PTPRN2: variants seen among roughly 807,000 people sequenced by gnomAD.
PTPRN2 encodes the protein protein tyrosine phosphatase receptor type N2.
In PTPRN2, 74 loss-of-function variants were observed where a neutral mutation model predicts 118.8. The ratio of observed to expected loss-of-function variants is 0.62; its 90% CI spans 0.52 to 0.76. PTPRN2 has a LOEUF of 0.76. PTPRN2 is among the 30% of genes least tolerant of loss of function. The pLI, the probability that PTPRN2 is intolerant of heterozygous loss-of-function variation, is 0.00. For missense variants in PTPRN2, 1,481 were observed against 1,394.4 expected, an observed-to-expected ratio of 1.06 and a Z score of -0.99; for synonymous variants, 641 against 608.0, an observed-to-expected ratio of 1.05 and a Z score of -0.80.
rs556926526 is a variant in PTPRN2, at chr7:158,090,251, C to T, written c.1644-8874G>A. Among the ~76,000 whole-genome samples the T allele has an allele frequency of 1.1e-4, 17 of 152,036 alleles. No homozygotes were observed. The South Asian group carries it at 1.7e-3, about 15-fold the overall frequency. Reference sequence around the variant, plus strand: ...CTAGAGCCCTCAGAGGTGTGATACTCGAACAATGTGTTCACATGGGTCCTA... The same window carrying T: ...CTAGAGCCCTCAGAGGTGTGATACTTGAACAATGTGTTCACATGGGTCCTA... On this transcript the variant is annotated intron_variant, in intron 10 of 22. Transcript: ENST00000389418.
At chr7:158,581,092 G>A (rs569485292) in intron 1 of PTPRN2, among the ~76,000 whole-genome samples, 6 of 152,230 alleles carry the variant, frequency 3.9e-5, no homozygotes, top group African/African-American at 1.4e-4. Flanking sequence ...CTGTAAGAAC[G>A]AGACAGACGT....
chr7:158,071,714 G>GGTGGTGGAGGTGCTC (rs1811803805), intron 11 of PTPRN2, among the ~76,000 whole-genome samples: 1 of 122,028 alleles, frequency 8.2e-6, no homozygotes, highest in African/African-American at 3.2e-5. Context: ...AGGTGCTCCT[G>GGTGGTGGAGGTGCTC]GTGGTGGAGG....
intron 12 of PTPRN2, among the ~76,000 whole-genome samples, chr7:157,724,987 A>G (rs1799445685): frequency 6.6e-6 from 1 of 152,260 alleles, no homozygotes. Flanking sequence ...ACTAAATTTT[A>G]TAACCTTAAA....
chr7:157,996,637 A>C (rs1804770264), intron 11 of PTPRN2, among the ~76,000 whole-genome samples: 1 of 152,238 alleles, frequency 6.6e-6, no homozygotes, highest in African/African-American at 2.4e-5. Context: ...GGTGTGGACA[A>C]GCCCTTAACT....
chr7:157,744,247 C>G (rs1299369997), intron 12 of PTPRN2, among the ~76,000 whole-genome samples: 1 of 152,170 alleles, frequency 6.6e-6, no homozygotes, highest in African/African-American at 2.4e-5. Flanking sequence ...CTGGGGTGGG[C>G]TGGGGGTCAG....
chr7:158,278,347 C>A (rs939724055), intron 3 of PTPRN2, among the ~76,000 whole-genome samples: 25 of 144,640 alleles, frequency 1.7e-4, no homozygotes, highest in African/African-American at 2.6e-4. Flanking sequence ...TACTAAAATA[C>A]AAAAAAAAAA....
In PTPRN2 at chr7:158,393,544, C is replaced by T. The variant is rs546759227; in HGVS notation, c.164-76612G>A. ...CCTCAGACAACATAAAGGTCTCAGG[C>T]CCGGCACCTGCTGCAGACCGGCCTC... On this transcript the variant is annotated intron_variant, in intron 2 of 22. Coordinates refer to ENST00000389418, the MANE Select transcript of PTPRN2 (RefSeq NM_002847.5). Among the ~76,000 whole-genome samples, 7 of 152,298 alleles carry T rather than the reference C, an allele frequency of 4.6e-5. No individual in the cohort carries two copies. The East Asian group carries it at 1.4e-3, about 29-fold the overall frequency.
chr7:157,702,590 C>T lies in PTPRN2; in HGVS notation c.1789-19653G>A, dbSNP rs79807096. ...CGTGCTGCGGCGTTGGTGAGAGCCC[C>T]GGGGCGGAGGCTCACCATCAGGCTT... On this transcript the variant is annotated intron_variant, in intron 12 of 22. Transcript: ENST00000389418. 0.012 allele frequency among the ~76,000 whole-genome samples: 1,898 copies of T among 152,294 alleles called. 103 individuals are homozygous for T. The South Asian group carries it at 0.16, about 13-fold the overall frequency.
intron 3 of PTPRN2, among the ~76,000 whole-genome samples, chr7:158,305,702 C>T (rs867113132): frequency 1.3e-5 from 2 of 148,524 alleles, no homozygotes; most frequent in Middle Eastern, 3.5e-3. Flanking sequence ...TTCATAAAAG[C>T]AATGAGAAAA....
chr7:158,192,740 G>C (rs892750798), intron 4 of PTPRN2, among the ~76,000 whole-genome samples: 9 of 152,188 alleles, frequency 5.9e-5, no homozygotes, highest in African/African-American at 2.2e-4. Flanking sequence ...CCCCTGCTGA[G>C]AGCAGAAGAC....
chr7:158,513,245 A>G (rs1054393191), intron 1 of PTPRN2, among the ~76,000 whole-genome samples: 2 of 152,230 alleles, frequency 1.3e-5, no homozygotes, highest in Admixed American at 1.3e-4. Flanking sequence ...CAAACACATC[A>G]GACAAATCCA....
chr7:158,341,727 G>A (rs868299003), intron 2 of PTPRN2, among the ~76,000 whole-genome samples: 104 of 119,406 alleles, frequency 8.7e-4, no homozygotes, highest in African/African-American at 3.2e-3. Context: ...TAGAGCTGAC[G>A]CCCGCAGACG....
intron 2 of PTPRN2, among the ~76,000 whole-genome samples, chr7:158,417,906 G>C (rs200772848): frequency 6.7e-6 from 1 of 149,418 alleles, no homozygotes; most frequent in East Asian, 2.0e-4. Flanking sequence ...ACTACATCGA[G>C]ATGCTCTAGC....
chr7:158,504,409 C>T lies in PTPRN2; in HGVS notation c.113-14624G>A, dbSNP rs117497731. Among the ~76,000 whole-genome samples the T allele has an allele frequency of 3.1e-3, 471 of 152,208 alleles. 1 individual carries two copies. The highest frequency in any genetic ancestry group is 4.5e-3 in the Non-Finnish European group (308 of 68,010). ...TCCCCCCCCATGTGTCCATGTGCTC[C>T]CGTCATTCAGCTCCCACTTATAAGT... is the stretch of plus-strand genomic sequence containing the variant. On this transcript the variant is annotated intron_variant, in intron 1 of 22. Coordinates refer to ENST00000389418, the MANE Select transcript of PTPRN2 (RefSeq NM_002847.5).
chr7:158,362,095 A>G lies in PTPRN2; in HGVS notation c.164-45163T>C, dbSNP rs150979865. Among the ~76,000 whole-genome samples the G allele has an allele frequency of 5.9e-3, 894 of 152,216 alleles. 16 individuals carry two copies. The highest frequency in any genetic ancestry group is 0.02 in the African/African-American group (851 of 41,524). On this transcript the variant is annotated intron_variant, in intron 2 of 22. Coordinates refer to ENST00000389418, the MANE Select transcript of PTPRN2 (RefSeq NM_002847.5). ...ACCTCCCAGCCTGGGCCTCTTTTCC[A>G]TTAACAAACAGCCCAGCCCAGACTA...
intron 3 of PTPRN2, among the ~76,000 whole-genome samples, chr7:158,289,955 G>A (rs1800006073): frequency 6.6e-6 from 1 of 152,164 alleles, no homozygotes; most frequent in Non-Finnish European, 1.5e-5. Flanking sequence ...GCCTTGGCCT[G>A]GATCCACTGG....
intron 1 of PTPRN2, among the ~76,000 whole-genome samples, chr7:158,497,402 A>C (rs1252735606): frequency 6.6e-6 from 1 of 151,060 alleles, no homozygotes; most frequent in Non-Finnish European, 1.5e-5. Context: ...CCCAATTCTG[A>C]GGCTTTCAAT....
At chr7:157,823,316 T>C (rs1203066332) in intron 12 of PTPRN2, among the ~76,000 whole-genome samples, 2 of 152,268 alleles carry the variant, frequency 1.3e-5, no homozygotes, top group Admixed American at 1.3e-4. Context: ...TTCTAATTAA[T>C]GTTTGCAAGA....
chr7:158,441,606 GATGGCA>G (rs1563298276), intron 2 of PTPRN2, among the ~76,000 whole-genome samples: 1 of 145,478 alleles, frequency 6.9e-6, no homozygotes, highest in Admixed American at 6.8e-5. Context: ...TAGTGATGGT[GATGGCA>G]GTGGTGGTGG....
Sources: allele counts gnomAD v4.1 joint callset (sites outside exome capture counted in the v4.1 genomes callset), GRCh38; gene constraint gnomAD v4.1.1; transcripts MANE v1.5; gene names NCBI Gene and HGNC (gene_info 2026-07-23, HGNC 2026-07-21).